WDR59: variants seen among roughly 807,000 people sequenced by gnomAD.
WDR59 encodes the protein GATOR2 complex protein WDR59.
Under a neutral mutation model 131.2 loss-of-function variants are expected in WDR59, and 100 were observed. The observed-to-expected ratio is 0.76, with a 90% confidence interval of 0.65 to 0.90. The LOEUF is 0.90. Ranked by LOEUF, WDR59 falls within the 40% of genes least tolerant of loss-of-function variation. WDR59 has a pLI of 0.00. For synonymous variants in WDR59, 601 were observed against 466.2 expected, an observed-to-expected ratio of 1.29 and a Z score of -3.72; for missense variants, 1,203 against 1,262.2, an observed-to-expected ratio of 0.95 and a Z score of 0.71.
chr16:74,908,941 T>G lies in WDR59; in HGVS notation c.1679A>C (p.His560Pro). Residue 560 changes from histidine (H) to proline (P), a missense_variant, in exon 17 of 26, where the codon CAT (histidine) becomes CCT (proline). By Grantham distance (77) the His-to-Pro change is moderately conservative. Coordinates refer to ENST00000262144, the MANE Select transcript of WDR59 (RefSeq NM_030581.4). ...AGGCTCTGTGGGAGACACCGCCCGATGCATTGTCATGGGCCTTGTGAAATA... is the reference window on the plus strand; with the variant it reads ...AGGCTCTGTGGGAGACACCGCCCGAGGCATTGTCATGGGCCTTGTGAAATA... ...LVYFTRPMTM[H>P]RAVSPTEPTP... 6.2e-7 allele frequency: 1 copy of G among 1,614,084 alleles called. No individual in the cohort carries two copies. The highest frequency in any genetic ancestry group is 8.5e-7 in the Non-Finnish European group (1 of 1,179,998).
chr16:74,946,225 T>TA (rs1311999150), intron 6 of WDR59, among the ~76,000 whole-genome samples: 1 of 152,218 alleles, frequency 6.6e-6, no homozygotes, highest in African/African-American at 2.4e-5. Context: ...AACCTTATCC[T>TA]AGTTATGTAT....
At chr16:74,970,734 T>G (rs1017986851) in intron 1 of WDR59, among the ~76,000 whole-genome samples, 3 of 151,908 alleles carry the variant, frequency 2.0e-5, no homozygotes, top group African/African-American at 4.8e-5. Flanking sequence ...TACACAGAGG[T>G]GCTCTGTAAA....
At chr16:74,944,974 A>T (rs1014134279) in intron 6 of WDR59, among the ~76,000 whole-genome samples, 1 of 151,962 alleles carries the variant, frequency 6.6e-6, no homozygotes, top group East Asian at 1.9e-4. Flanking sequence ...AATTACAAAA[A>T]TTAGCTGGGT....
intron 4 of WDR59, among the ~76,000 whole-genome samples, chr16:74,950,396 C>A (rs994709819): frequency 6.6e-6 from 1 of 152,218 alleles, no homozygotes; most frequent in Non-Finnish European, 1.5e-5. Flanking sequence ...AGGAAAAACA[C>A]ATAAAGTAAT....
chr16:74,943,817 G>A (rs1456944567), intron 6 of WDR59, among the ~76,000 whole-genome samples: 1 of 152,178 alleles, frequency 6.6e-6, no homozygotes, highest in East Asian at 1.9e-4. Context: ...GAATCTAACA[G>A]GACATACAGC....
At position 74,909,467 on chromosome 16, in the gene WDR59, C is replaced by A. The variant is rs770449312; in HGVS notation, c.1642+34G>T. 6.6e-6 allele frequency: 10 copies of A among 1,508,608 alleles called. No homozygotes were observed. The South Asian group carries it at 6.7e-5, about 10-fold the overall frequency. 93.5% of individuals were successfully genotyped at this position (1,508,608 alleles called of 1,614,324 possible). A position where few individuals can be genotyped will look rare whatever the true frequency, so the allele number is the denominator to read the frequency against. ...TATGACATTCTTAGCTGCTCCCTCTCGAAATCTAGAATCAAAGAACCAAAG... is the reference window on the plus strand; with the variant it reads ...TATGACATTCTTAGCTGCTCCCTCTAGAAATCTAGAATCAAAGAACCAAAG... On this transcript the variant is annotated intron_variant, in intron 16 of 25. Coordinates refer to ENST00000262144, the MANE Select transcript of WDR59 (RefSeq NM_030581.4).
chr16:74,936,535 C>T lies in WDR59; in HGVS notation c.651+1615G>A, dbSNP rs544464218. 4.5e-4 allele frequency among the ~76,000 whole-genome samples: 68 copies of T among 151,876 alleles called. 1 individual carries two copies. Among genetic ancestry groups the T allele is most frequent in the African/African-American group, 1.5e-3 (64 of 41,484 alleles). The stretch of plus-strand genomic sequence containing the variant: ...GCTGATTGGGGTACAGGGACAGAAA[C>T]CCAAATGCAGCCGGGCATGGTAGCT... On this transcript the variant is annotated intron_variant, in intron 8 of 25. Coordinates refer to ENST00000262144, the MANE Select transcript of WDR59 (RefSeq NM_030581.4).
chr16:74,917,858 C>A, intron 11 of WDR59, 71 bp downstream of exon 11: 2 of 1,331,324 alleles, frequency 1.5e-6, no homozygotes, highest in Non-Finnish European at 2.1e-6. Context: ...CCTCTAATTT[C>A]CGCAAATCCT....
chr16:74,895,244 C>T (rs1965241572), intron 18 of WDR59, among the ~76,000 whole-genome samples: 1 of 152,018 alleles, frequency 6.6e-6, no homozygotes, highest in Non-Finnish European at 1.5e-5. Flanking sequence ...CAATTTGGAA[C>T]TTTAACCCGT....
At chr16:74,969,685 T>C (rs1021229306) in intron 1 of WDR59, among the ~76,000 whole-genome samples, 1 of 152,058 alleles carries the variant, frequency 6.6e-6, no homozygotes, top group African/African-American at 2.4e-5. Flanking sequence ...TTCTCCTGCC[T>C]CAGCCTCCCA....
chr16:74,974,629 G>C (rs1333629072), intron 1 of WDR59, among the ~76,000 whole-genome samples: 1 of 152,138 alleles, frequency 6.6e-6, no homozygotes, highest in African/African-American at 2.4e-5. Context: ...TAGTAAGAGA[G>C]CCTCCCTGTG....
chr16:74,874,496 G>C (rs765828210), intron 25 of WDR59, 52 bp from the exon 26 acceptor site: 3 of 1,534,320 alleles, frequency 2.0e-6, no homozygotes, highest in African/African-American at 2.7e-5. Context: ...GTTTAGTTCT[G>C]AAAAAGGAAA....
chr16:74,913,070 T>TGG (rs56771975), intron 13 of WDR59, among the ~76,000 whole-genome samples: 5 of 144,270 alleles, frequency 3.5e-5, no homozygotes, highest in African/African-American at 1.1e-4. Context: ...GGCTAGATTT[T>TGG]GGGGGGGGGG....
chr16:74,970,911 G>T (rs2145214540), intron 1 of WDR59, among the ~76,000 whole-genome samples: 1 of 151,972 alleles, frequency 6.6e-6, no homozygotes, highest in South Asian at 2.1e-4. Flanking sequence ...AATTAGCCAG[G>T]AATGGTGTAT....
intron 18 of WDR59, among the ~76,000 whole-genome samples, chr16:74,902,950 C>A (rs537217710): frequency 5.9e-4 from 89 of 151,862 alleles, no homozygotes; most frequent in African/African-American, 2.0e-3. Context: ...CCCTATTCAA[C>A]TAAATGGTTT....
chr16:74,978,965 C>G (rs1055682726), intron 1 of WDR59: 22 of 152,164 alleles, frequency 1.4e-4, no homozygotes, highest in African/African-American at 4.8e-4. Flanking sequence ...AGCACTTTTG[C>G]AAATATCATT....
intron 1 of WDR59, chr16:74,984,695 T>TTAATGTC: frequency 1.9e-6 from 1 of 526,080 alleles, no homozygotes; most frequent in Non-Finnish European, 3.4e-6. Flanking sequence ...GCACTCACGA[T>TTAATGTC]GCGCAGTCTC....
chr16:74,906,829 T>C (rs770729964), intron 17 of WDR59, among the ~76,000 whole-genome samples: 1 of 152,180 alleles, frequency 6.6e-6, no homozygotes, highest in Non-Finnish European at 1.5e-5. Flanking sequence ...TGGTGTCCTC[T>C]GGGTGCTGAA....
chr16:74,966,465 C>A (rs1224971054), intron 1 of WDR59, among the ~76,000 whole-genome samples: 1 of 151,992 alleles, frequency 6.6e-6, no homozygotes, highest in Non-Finnish European at 1.5e-5. Context: ...GGGCAACAGA[C>A]TGAGACTCCA....
Sources: gnomAD v4.1 joint callset for allele counts (sites outside exome capture counted in the v4.1 genomes callset) on GRCh38, gnomAD v4.1.1 for gene constraint, MANE v1.5 for transcripts, NCBI Gene and HGNC (gene_info 2026-07-23, HGNC 2026-07-21) for gene names.